Variants in PXDNL observed in about 807,000 individuals in gnomAD.
PXDNL encodes peroxidasin like.
Under a neutral mutation model 150.8 loss-of-function variants are expected in PXDNL, and 145 were observed. The ratio of observed to expected loss-of-function variants is 0.96; its 90% CI spans 0.84 to 1.10. PXDNL has a LOEUF of 1.10. Ranked by LOEUF, PXDNL falls within the 50% of genes least tolerant of loss-of-function variation. The pLI, the probability that PXDNL is intolerant of heterozygous loss-of-function variation, is 0.00. For synonymous variants in PXDNL, 757 were observed against 725.7 expected, an observed-to-expected ratio of 1.04 and a Z score of -0.69; for missense variants, 2,087 against 1,873.9, an observed-to-expected ratio of 1.11 and a Z score of -2.10.
intron 5 of PXDNL, among the ~76,000 whole-genome samples, chr8:51,486,967 T>C (rs1810780674): frequency 6.6e-6 from 1 of 151,300 alleles, no homozygotes. Flanking sequence ...GCTAATTTTT[T>C]GTATTTTTGT....
At chr8:51,730,868 C>T (rs1168889709) in intron 1 of PXDNL, among the ~76,000 whole-genome samples, 2 of 152,148 alleles carry the variant, frequency 1.3e-5, no homozygotes, top group Admixed American at 1.3e-4. Flanking sequence ...TCTCATGAGA[C>T]TTACTCACTA....
At chr8:51,805,101 C>G (rs996967523) in intron 1 of PXDNL, among the ~76,000 whole-genome samples, 17 of 151,930 alleles carry the variant, frequency 1.1e-4, no homozygotes, top group African/African-American at 2.2e-4. Flanking sequence ...AAGTCAACCA[C>G]TGGGGGAAGT....
chr8:51,548,231 T>C (rs1317462008), intron 4 of PXDNL, among the ~76,000 whole-genome samples: 1 of 152,164 alleles, frequency 6.6e-6, no homozygotes. Context: ...TTGGTGTTCC[T>C]GAAGAAGAGA....
rs181308627 is a variant in PXDNL, at chr8:51,716,343, A to T, written c.165-61583T>A. ...CACCTTCAAAAAGACAAAAATCCTAAAACAATCATATATTCAAATGCTGAA... is the reference window on the plus strand; with the variant it reads ...CACCTTCAAAAAGACAAAAATCCTATAACAATCATATATTCAAATGCTGAA... On this transcript the variant is annotated intron_variant, in intron 1 of 22. Transcript: ENST00000356297. 2.0e-3 allele frequency among the ~76,000 whole-genome samples: 302 copies of T among 152,338 alleles called. 1 individual carries two copies. Among genetic ancestry groups the T allele is most frequent in the Middle Eastern group, 0.01 (3 of 294 alleles).
intron 1 of PXDNL, among the ~76,000 whole-genome samples, chr8:51,776,567 A>G (rs2037355995): frequency 6.6e-6 from 1 of 152,034 alleles, no homozygotes; most frequent in Non-Finnish European, 1.5e-5. Context: ...CCTTGACTAA[A>G]CCTTATACAG....
intron 16 of PXDNL, among the ~76,000 whole-genome samples, chr8:51,410,694 G>C (rs1265618926): frequency 6.6e-6 from 1 of 152,152 alleles, no homozygotes; most frequent in Non-Finnish European, 1.5e-5. Context: ...GAACAACTTA[G>C]AAAATCTGAA....
intron 1 of PXDNL, among the ~76,000 whole-genome samples, chr8:51,801,943 C>T (rs900861489): frequency 2.0e-5 from 3 of 152,124 alleles, no homozygotes; most frequent in African/African-American, 4.8e-5. Context: ...TTTACTTATT[C>T]CTGGGGCTCA....
intron 1 of PXDNL, among the ~76,000 whole-genome samples, chr8:51,802,871 T>G (rs1394641072): frequency 6.6e-6 from 1 of 152,232 alleles, no homozygotes; most frequent in Non-Finnish European, 1.5e-5. Context: ...GGTACCTATT[T>G]GTTTTTGATA....
intron 3 of PXDNL, 30 bp from the exon 4 acceptor site, chr8:51,556,941 A>G: frequency 2.3e-6 from 3 of 1,288,156 alleles, no homozygotes; most frequent in Non-Finnish European, 3.4e-6. Flanking sequence ...TCATTAAATT[A>G]TAAATTAGTA....
intron 1 of PXDNL, among the ~76,000 whole-genome samples, chr8:51,797,806 C>T (rs2037577323): frequency 6.6e-6 from 1 of 152,076 alleles, no homozygotes; most frequent in Non-Finnish European, 1.5e-5. Context: ...ACATTCTTCA[C>T]AGAGTTAGAA....
At chr8:51,691,144 C>A (rs1815988695) in intron 1 of PXDNL, among the ~76,000 whole-genome samples, 1 of 152,128 alleles carries the variant, frequency 6.6e-6, no homozygotes, top group Admixed American at 6.5e-5. Context: ...ATGGTAGTTT[C>A]TTTTGCTGTG....
rs1322999742 is a variant in PXDNL at position 51,449,093 on chromosome 8, G to A, written c.1275C>T (p.Pro425=). The change falls in exon 11 of 23, where the codon CCC becomes CCT. Residue 425 remains proline (P), a synonymous_variant. Transcript: ENST00000356297. ...VQAPPQFTVT[P]KDQVVLEEHA... is the part of the protein sequence containing the mutation. The stretch of plus-strand genomic sequence containing the variant: ...GTTCTTCCAGCACCACTTGATCCTT[G>A]GGGGTTACTGTAAATTGTGGAGGAG... 1 of 1,550,236 alleles carries A rather than the reference G, an allele frequency of 6.5e-7. No homozygotes were observed. Among genetic ancestry groups the A allele is most frequent in the Non-Finnish European group, 8.7e-7 (1 of 1,145,888 alleles).
At chr8:51,574,461 A>G (rs1457579669) in intron 3 of PXDNL, among the ~76,000 whole-genome samples, 6 of 151,818 alleles carry the variant, frequency 4.0e-5, no homozygotes, top group Non-Finnish European at 8.8e-5. Flanking sequence ...TTTTCAACAC[A>G]GTCCTAGGAA....
intron 1 of PXDNL, among the ~76,000 whole-genome samples, chr8:51,750,185 T>C (rs1449248399): frequency 6.6e-6 from 1 of 152,176 alleles, no homozygotes; most frequent in Non-Finnish European, 1.5e-5. Flanking sequence ...ACAAGCTTTT[T>C]AAATTTTTTT....
rs371093134 is a variant in PXDNL at position 51,413,227 on chromosome 8, A to G, written c.1827T>C (p.Phe609=). The G allele has an allele frequency of 1.2e-6, 2 of 1,612,336 alleles. No individual in the cohort carries two copies. The highest frequency in any genetic ancestry group is 4.5e-5 in the East Asian group (2 of 44,810). Residue 609 remains phenylalanine (F), a synonymous_variant, in exon 15 of 23, where the codon TTT becomes TTC. Coordinates refer to ENST00000356297, the MANE Select transcript of PXDNL (RefSeq NM_144651.5). ...CAGCATCAAGAATGGAAGATTCAAC[A>G]AAGTCATCGCCAGCTTGTCTACCCT... ...AIQGRQAGDD[F]VESSILDAVQ...
chr8:51,350,728 G>T (rs1486168821), intron 19 of PXDNL, among the ~76,000 whole-genome samples: 9 of 152,110 alleles, frequency 5.9e-5, no homozygotes, highest in Non-Finnish European at 1.2e-4. Flanking sequence ...AGCAGGAACC[G>T]CCATGTTGGA....
intron 14 of PXDNL, among the ~76,000 whole-genome samples, chr8:51,414,398 G>GA (rs999075704): frequency 6.6e-5 from 10 of 150,884 alleles, no homozygotes; most frequent in African/African-American, 9.7e-5. Context: ...ATAATTTTAA[G>GA]AAAAAAAATA....
chr8:51,393,222 G>A (rs1336416607), intron 17 of PXDNL, among the ~76,000 whole-genome samples: 1 of 152,166 alleles, frequency 6.6e-6, no homozygotes, highest in East Asian at 1.9e-4. Context: ...GGAGACCAAT[G>A]CAGATTCACT....
At chr8:51,739,793 G>A (rs1026031647) in intron 1 of PXDNL, among the ~76,000 whole-genome samples, 9 of 149,590 alleles carry the variant, frequency 6.0e-5, no homozygotes, top group Admixed American at 2.0e-4. Context: ...GGAGAATGGC[G>A]TGAACCCAGG....
Sources: allele counts gnomAD v4.1 joint callset (sites outside exome capture counted in the v4.1 genomes callset), GRCh38; gene constraint gnomAD v4.1.1; transcripts MANE v1.5; gene names NCBI Gene and HGNC (gene_info 2026-07-23, HGNC 2026-07-21).